The following CADPS variants were observed in gnomAD, a reference collection of about 807,000 sequenced individuals.
CADPS encodes calcium-dependent secretion activator 1.
Under a neutral mutation model 167.3 loss-of-function variants are expected in CADPS, and 57 were observed. The observed-to-expected ratio is 0.34, with a 90% CI of 0.28 to 0.42. The LOEUF (loss-of-function observed/expected upper bound fraction) is 0.42, where lower values mean the gene tolerates loss of function less well. Ranked by LOEUF, CADPS falls within the 20% of genes least tolerant of loss-of-function variation. CADPS has a pLI of 1.00. For missense variants in CADPS, 1,414 were observed against 1,738.1 expected, an observed-to-expected ratio of 0.81 and a Z score of 3.32; for synonymous variants, 676 against 635.3, an observed-to-expected ratio of 1.06 and a Z score of -0.96.
chr3:62,743,353 A>G (rs2080725160), intron 3 of CADPS, among the ~76,000 whole-genome samples: 1 of 152,202 alleles, frequency 6.6e-6, no homozygotes, highest in South Asian at 2.1e-4. Context: ...CTTATGTATT[A>G]TATGTGGCTG....
chr3:62,650,197 C>T (rs933614826), intron 5 of CADPS, among the ~76,000 whole-genome samples: 3 of 152,102 alleles, frequency 2.0e-5, no homozygotes, highest in Non-Finnish European at 2.9e-5. Context: ...CCCATCCCCT[C>T]GAGATCCTAG....
intron 18 of CADPS, among the ~76,000 whole-genome samples, chr3:62,495,720 G>C (rs889987093): frequency 2.6e-5 from 4 of 152,182 alleles, no homozygotes; most frequent in Non-Finnish European, 5.9e-5. Flanking sequence ...CATAGAGAGA[G>C]ATTGGGAAGG....
rs953555586 is a variant in CADPS, at chr3:62,399,605, A to C, written c.3883-20T>G. The C allele has an allele frequency of 1.2e-6, 2 of 1,605,418 alleles. No homozygotes were observed. Among genetic ancestry groups the C allele is most frequent in the South Asian group, 1.1e-5 (1 of 90,788 alleles). The stretch of plus-strand genomic sequence containing the variant: ...GGTTTTCTAAGGAAGGAAAAGATAC[A>C]GTGATAAGAGAGATCTCATCTCCAT... On this transcript the variant is annotated intron_variant, in intron 29 of 29. Coordinates refer to ENST00000383710, the MANE Select transcript of CADPS (RefSeq NM_003716.4). The surrounding 1 kb of genome is among the most constrained non-coding windows in gnomAD (Gnocchi z 5.6).
chr3:62,652,309 G>A (rs750595194), intron 4 of CADPS, among the ~76,000 whole-genome samples: 3 of 150,214 alleles, frequency 2.0e-5, no homozygotes, highest in African/African-American at 7.4e-5. Context: ...ATGTGCATAG[G>A]CATAGCTTAT....
At chr3:62,502,731 A>G (rs946062770) in intron 17 of CADPS, among the ~76,000 whole-genome samples, 5 of 152,176 alleles carry the variant, frequency 3.3e-5, no homozygotes, top group Non-Finnish European at 2.9e-5. Flanking sequence ...AGGAATGATG[A>G]AAGTTTACGG....
chr3:62,476,896 C>CT (rs1411586666), intron 23 of CADPS, among the ~76,000 whole-genome samples: 1 of 152,140 alleles, frequency 6.6e-6, no homozygotes, highest in African/African-American at 2.4e-5. Flanking sequence ...TTGATATAGA[C>CT]TATCTAGGAG....
At chr3:62,546,967 G>A (rs1389312485) in intron 11 of CADPS, among the ~76,000 whole-genome samples, 3 of 152,078 alleles carry the variant, frequency 2.0e-5, no homozygotes, top group Non-Finnish European at 4.4e-5. Flanking sequence ...ACTACCCAAT[G>A]ATACCATGGA....
chr3:62,402,858 C>G (rs929048630), intron 29 of CADPS, among the ~76,000 whole-genome samples: 2 of 152,178 alleles, frequency 1.3e-5, no homozygotes, highest in Non-Finnish European at 2.9e-5. Context: ...AGTATTTTTC[C>G]TCTCTGGAAA....
chr3:62,709,936 AT>A (rs1268080363), intron 3 of CADPS, among the ~76,000 whole-genome samples: 10 of 150,870 alleles, frequency 6.6e-5, no homozygotes, highest in African/African-American at 2.2e-4. Flanking sequence ...CACCTGGCTA[AT>A]TTTTTTTGTA....
intron 1 of CADPS, among the ~76,000 whole-genome samples, chr3:62,858,150 T>A (rs1346915848): frequency 2.0e-5 from 3 of 152,188 alleles, no homozygotes; most frequent in African/African-American, 7.2e-5. Context: ...AATTTACTAT[T>A]TTATTGGAAG....
intron 3 of CADPS, among the ~76,000 whole-genome samples, chr3:62,702,624 G>T (rs893206618): frequency 2.6e-5 from 4 of 152,094 alleles, no homozygotes; most frequent in Non-Finnish European, 4.4e-5. Flanking sequence ...TACTGGGATG[G>T]TTTTAAGTCT....
At chr3:62,726,167 G>A (rs1447810130) in intron 3 of CADPS, among the ~76,000 whole-genome samples, 1 of 151,836 alleles carries the variant, frequency 6.6e-6, no homozygotes, top group Non-Finnish European at 1.5e-5. Flanking sequence ...GTAATTGAAG[G>A]ATGGAGGGAT....
chr3:62,789,661 G>T (rs1366110220), intron 1 of CADPS, among the ~76,000 whole-genome samples: 2 of 152,198 alleles, frequency 1.3e-5, no homozygotes, highest in Non-Finnish European at 2.9e-5. Context: ...TTCAACAACA[G>T]AAGTAATCCA....
chr3:62,774,689 G>T (rs2089826804), intron 1 of CADPS, among the ~76,000 whole-genome samples: 1 of 152,144 alleles, frequency 6.6e-6, no homozygotes, highest in Non-Finnish European at 1.5e-5. Context: ...TAATAGTGAA[G>T]AAATATCTTT....
At chr3:62,807,347 C>T (rs1464535785) in intron 1 of CADPS, among the ~76,000 whole-genome samples, 5 of 151,738 alleles carry the variant, frequency 3.3e-5, no homozygotes, top group African/African-American at 9.7e-5. Context: ...CTGCAACCTC[C>T]GCCTCCTGGG....
intron 7 of CADPS, among the ~76,000 whole-genome samples, chr3:62,587,558 GA>G (rs1274399706): frequency 1.3e-5 from 2 of 152,206 alleles, no homozygotes; most frequent in Non-Finnish European, 1.5e-5. Context: ...TCCAGGGCCA[GA>G]ACCGCGGTAA....
At chr3:62,664,505 T>A (rs907641234) in intron 3 of CADPS, among the ~76,000 whole-genome samples, 6 of 152,214 alleles carry the variant, frequency 3.9e-5, no homozygotes, top group African/African-American at 1.4e-4. Flanking sequence ...TCAGTGCTGT[T>A]TTTAGGTTCC....
At chr3:62,863,577 T>C (rs2081189289) in intron 1 of CADPS, among the ~76,000 whole-genome samples, 2 of 152,116 alleles carry the variant, frequency 1.3e-5, no homozygotes, top group Admixed American at 6.5e-5. Flanking sequence ...CACAGGGATG[T>C]TAAGTGGCTT....
intron 28 of CADPS, among the ~76,000 whole-genome samples, chr3:62,432,475 C>A (rs1026228228): frequency 6.6e-6 from 1 of 152,138 alleles, no homozygotes; most frequent in Non-Finnish European, 1.5e-5. Flanking sequence ...CTACATCAAG[C>A]AATTCTAAGC....
Sources: gnomAD v4.1 joint callset for allele counts (sites outside exome capture counted in the v4.1 genomes callset) on GRCh38, gnomAD v4.1.1 for gene constraint, Gnocchi (gnomAD v3.1) non-coding constraint, MANE v1.5 for transcripts, NCBI Gene and HGNC (gene_info 2026-07-23, HGNC 2026-07-21) for gene names.